Variants in DENND6B observed in about 807,000 individuals in gnomAD.
The protein encoded by DENND6B is DENN domain containing 6B, also known as protein DENND6B.
In DENND6B, 73 loss-of-function variants were observed where a neutral mutation model predicts 85.1. That is an observed-to-expected ratio of 0.86 (90% CI 0.71 to 1.04). The LOEUF (loss-of-function observed/expected upper bound fraction) is 1.04. DENND6B is among the 50% of genes least tolerant of loss of function. The pLI, the probability that DENND6B is intolerant of heterozygous loss-of-function variation, is 0.00. For synonymous variants in DENND6B, 357 were observed against 329.3 expected (o/e 1.08, Z -0.91); for missense variants, 715 against 785.8 (o/e 0.91, Z 1.08).
chr22:50,326,727 G>A, intron 1 of DENND6B, 85 bp downstream of exon 1: 1 of 1,195,914 alleles, frequency 8.4e-7, no homozygotes, highest in Non-Finnish European at 1.1e-6. Context: ...AGTGCGGGGC[G>A]GCCGAGGGCC....
Position 50,312,425 on chromosome 22 carries a change from G to T in DENND6B, c.1561-8C>A. 6.2e-7 allele frequency: 1 copy of T among 1,608,816 alleles called. No individual in the cohort carries two copies. The highest frequency in any genetic ancestry group is 8.5e-7 in the Non-Finnish European group (1 of 1,178,100). On this transcript the variant is annotated splice_region_variant and splice_polypyrimidine_tract_variant and intron_variant, in intron 18 of 19. Transcript: ENST00000413817. ...CATCCAGGTCTCGATGTTCTGCAGG[G>T]CAAGACGGGGTCTACTGTCAGCAAG...
intron 1 of DENND6B, among the ~76,000 whole-genome samples, chr22:50,320,372 C>T (rs935175422): frequency 2.6e-5 from 4 of 152,262 alleles, no homozygotes; most frequent in Admixed American, 1.3e-4. Flanking sequence ...GCGTGAGCCA[C>T]GCCCAGCTTG....
At chr22:50,315,052 CAG>C in intron 9 of DENND6B, 131 bp from the exon 10 acceptor site, 1 of 1,297,376 alleles carries the variant, frequency 7.7e-7, no homozygotes, top group South Asian at 1.5e-5. Context: ...AGGGTGAAGA[CAG>C]ATCTATCTGA....
intron 5 of DENND6B, 131 bp from the exon 6 acceptor site, chr22:50,316,606 G>A: frequency 6.5e-7 from 1 of 1,538,990 alleles, no homozygotes; most frequent in African/African-American, 1.4e-5. Context: ...CAACTTCACA[G>A]GACAGCTGCC....
intron 1 of DENND6B, among the ~76,000 whole-genome samples, chr22:50,322,308 T>G (rs1297650661): frequency 1.3e-5 from 2 of 152,108 alleles, no homozygotes; most frequent in Admixed American, 1.3e-4. Flanking sequence ...TCTCCTGACC[T>G]TGTGATCCAC....
intron 1 of DENND6B, among the ~76,000 whole-genome samples, chr22:50,324,129 C>T (rs998891674): frequency 6.6e-6 from 1 of 152,150 alleles, no homozygotes; most frequent in African/African-American, 2.4e-5. Flanking sequence ...CCCAGCCCCT[C>T]ACAAGCCAGA....
chr22:50,314,990 C>T (rs2041755840), intron 9 of DENND6B, 69 bp from the exon 10 acceptor site: 6 of 1,581,144 alleles, frequency 3.8e-6, no homozygotes, highest in East Asian at 2.3e-5. Flanking sequence ...CCCCGCTCTC[C>T]CACCGTTCAC....
intron 3 of DENND6B, among the ~76,000 whole-genome samples, chr22:50,318,452 G>A (rs149279162): frequency 2.6e-5 from 4 of 152,286 alleles, no homozygotes; most frequent in East Asian, 3.9e-4. Context: ...GAATATATTC[G>A]CATAGAAAAG....
At chr22:50,319,780 G>T (rs180687365) in intron 1 of DENND6B, among the ~76,000 whole-genome samples, 2 of 152,338 alleles carry the variant, frequency 1.3e-5, no homozygotes, top group African/African-American at 4.8e-5. Context: ...TCCCCGTCCT[G>T]CTCAGCAGTC....
intron 4 of DENND6B, 37 bp from the exon 5 acceptor site, chr22:50,317,410 C>T (rs1307940093): frequency 1.9e-6 from 3 of 1,610,326 alleles, no homozygotes; most frequent in Non-Finnish European, 2.5e-6. Flanking sequence ...CACGCCCCAC[C>T]CGGACCACCT....
Position 50,313,638 on chromosome 22 carries a change from G to T in DENND6B, c.1290C>A (p.Pro430=). ...GTCCCCCAGCCCCGGGCCTCACCAG[G>T]GGGATGATGAAGCTCTGGGTGAGCT... ...LLELTQSFII[P]LEHYMASLMP... is the part of the protein sequence containing the mutation. Residue 430 remains proline, a synonymous_variant, in exon 15 of 20, where the codon CCC becomes CCA. Coordinates refer to ENST00000413817, the MANE Select transcript of DENND6B (RefSeq NM_001001794.4). 6.4e-7 allele frequency: 1 copy of T among 1,569,138 alleles called. No homozygotes were observed. Among genetic ancestry groups the T allele is most frequent in the East Asian group, 2.3e-5 (1 of 42,668 alleles).
chr22:50,325,334 CTT>C (rs67536916), intron 1 of DENND6B, among the ~76,000 whole-genome samples: 60 of 123,702 alleles, frequency 4.9e-4, no homozygotes, highest in East Asian at 1.6e-3. Flanking sequence ...GAGGAACCTC[CTT>C]TTTTTTTTTT....
Position 50,313,688 on chromosome 22 carries a change from C to T in DENND6B, c.1240G>A (p.Ala414Thr), listed in dbSNP as rs368931236. Reference protein sequence around the residue: ...QKKRPSDVQSALLRRHLLELT... With the variant: ...QKKRPSDVQSTLLRRHLLELT... ...TCCAGGAGGTGCCGCCGCAGCAGGGCGCTCTGCACATCTGACGGCCGCTTC... is the reference window on the plus strand; with the variant it reads ...TCCAGGAGGTGCCGCCGCAGCAGGGTGCTCTGCACATCTGACGGCCGCTTC... Residue 414 changes from alanine to threonine, a missense_variant, in exon 15 of 20, where the codon GCC (alanine) becomes ACC (threonine). Ala to Thr is a moderately conservative substitution (Grantham distance 58). Transcript: ENST00000413817. 3.9e-5 allele frequency: 63 copies of T among 1,600,756 alleles called. No homozygotes were observed. The highest frequency in any genetic ancestry group is 1.7e-4 in the Middle Eastern group (1 of 6,020).
chr22:50,326,552 T>C (rs908509116), intron 1 of DENND6B, among the ~76,000 whole-genome samples: 2 of 152,214 alleles, frequency 1.3e-5, no homozygotes, highest in African/African-American at 4.8e-5. Context: ...AGACATTTAC[T>C]GGGAAAAATC....
Position 50,326,906 on chromosome 22 carries a change from G to C in DENND6B, c.83C>G (p.Ala28Gly). The change falls in exon 1 of 20, where the codon GCG becomes GGG. Residue 28 changes from alanine to glycine, a missense_variant. Ala to Gly is a moderately conservative substitution (Grantham distance 60, BLOSUM62 0). Transcript: ENST00000413817. ...CGCCCAGGGCGCCGCCGGGGTCCGC[G>C]CCGCGCGACCTGAAGACGTGGGTCC... ...AAGPTSSGRA[A>G]RTPAAPWARF... 7.2e-7 allele frequency: 1 copy of C among 1,388,374 alleles called. No homozygotes were observed. The highest frequency in any genetic ancestry group is 9.3e-7 in the Non-Finnish European group (1 of 1,071,092). The allele number at this position is 1,388,374 out of a possible 1,614,324, so 86.0% of individuals were successfully genotyped here. A position where few individuals can be genotyped will look rare whatever the true frequency, so the allele number is the denominator to read the frequency against.
chr22:50,316,589 G>T (rs752770896), intron 5 of DENND6B, 114 bp from the exon 6 acceptor site: 102 of 1,542,010 alleles, frequency 6.6e-5, no homozygotes, highest in Non-Finnish European at 7.8e-5. Flanking sequence ...AGGGTAGCAC[G>T]TCCCACCAAC....
chr22:50,323,352 C>T (rs1871076480), intron 1 of DENND6B, among the ~76,000 whole-genome samples: 1 of 148,826 alleles, frequency 6.7e-6, no homozygotes, highest in Non-Finnish European at 1.5e-5. Flanking sequence ...TGCAGTGGCA[C>T]GATCTCAGCT....
At chr22:50,322,599 G>T (rs1008709808) in intron 1 of DENND6B, among the ~76,000 whole-genome samples, 1 of 152,054 alleles carries the variant, frequency 6.6e-6, no homozygotes, top group African/African-American at 2.4e-5. Flanking sequence ...ACCCAGCCTG[G>T]AGTGCAGTGG....
chr22:50,313,655 G>T lies in DENND6B; in HGVS notation c.1273C>A (p.Gln425Lys). 6.3e-7 allele frequency: 1 copy of T among 1,592,670 alleles called. No individual in the cohort carries two copies. ...CTCACCAGGGGGATGATGAAGCTCT[G>T]GGTGAGCTCCAGGAGGTGCCGCCGC... ...LLRRHLLELT[Q>K]SFIIPLEHYM... The change falls in exon 15 of 20, where the codon CAG (glutamine) becomes AAG (lysine). Residue 425 changes from glutamine to lysine, a missense_variant. By Grantham distance (53) the Gln-to-Lys change is moderately conservative. Transcript: ENST00000413817.
Sources: allele counts gnomAD v4.1 joint callset (sites outside exome capture counted in the v4.1 genomes callset), GRCh38; gene constraint gnomAD v4.1.1; transcripts MANE v1.5; gene names NCBI Gene and HGNC (gene_info 2026-07-23, HGNC 2026-07-21).